The following BHLHE40 variants were observed in gnomAD, a reference collection of about 807,000 sequenced individuals.
BHLHE40 encodes the protein basic helix-loop-helix family member e40.
Under a neutral mutation model 35.7 loss-of-function variants are expected in BHLHE40, and 3 were observed. The ratio of observed to expected loss-of-function variants is 0.08; its 90% CI spans 0.04 to 0.22. The LOEUF is 0.22. Among genes scored for constraint, BHLHE40 ranks in the 10% least tolerant of loss-of-function variants. The pLI is 1.00. For missense variants in BHLHE40, 486 were observed against 524.0 expected (o/e 0.93, Z 0.71); for synonymous variants, 236 against 213.0 (o/e 1.11, Z -0.94).
At chr3:4,981,536 T>G (rs78035155) in intron 4 of BHLHE40, 21 bp downstream of exon 4, 76,416 of 1,612,544 alleles carry the variant, frequency 0.047, 2,125 homozygotes, top group Non-Finnish European at 0.053. Context: ...ATTCTGGCTA[T>G]GCTCTCTTTA....
chr3:4,979,458 C>G lies in BHLHE40; in HGVS notation c.-261C>G. On this transcript the variant is annotated 5_prime_UTR_variant, in exon 1 of 5. Transcript: ENST00000256495. ...TCTCATTCACTTGGCTCGCACGGCG[C>G]AGACAGACCGCGCAGGGAGCACACA... 1.7e-5 allele frequency: 7 copies of G among 400,484 alleles called. No homozygotes were observed. Among genetic ancestry groups the G allele is most frequent in the Non-Finnish European group, 3.2e-5 (7 of 219,212 alleles). The allele number at this position is 400,484 out of a possible 1,614,324, so 24.8% of individuals were successfully genotyped here.
At chr3:4,980,224 C>T in intron 2 of BHLHE40, 77 bp from the exon 3 acceptor site, 2 of 1,337,266 alleles carry the variant, frequency 1.5e-6, no homozygotes, top group Non-Finnish European at 2.1e-6. Context: ...CTCTGCCGGA[C>T]TGTTGCTGCG....
At chr3:4,981,730 TA>T in intron 4 of BHLHE40, 1 of 509,066 alleles carries the variant, frequency 2.0e-6, no homozygotes, top group Non-Finnish European at 3.3e-6. Context: ...AATGATAAGA[TA>T]TTCCTGTGGC....
chr3:4,982,368 T>G (rs1387114126), intron 4 of BHLHE40, among the ~76,000 whole-genome samples: 1 of 152,266 alleles, frequency 6.6e-6, no homozygotes, highest in East Asian at 1.9e-4. Flanking sequence ...AAAATAAGTT[T>G]ACTTTAGGTG....
rs34004459 is a variant in BHLHE40 at position 4,983,078 on chromosome 3, G to A, written c.625G>A (p.Ala209Thr). Residue 209 changes from alanine to threonine, a missense_variant, in exon 5 of 5, where the codon GCC (alanine) becomes ACC (threonine). Physicochemically the swap from Ala to Thr is moderately conservative, Grantham distance 58. This residue lies in a region of BHLHE40 where 176 missense variants were observed against 180.5 expected (regional missense o/e 0.98). Transcript: ENST00000256495. The surrounding 1 kb of genome is among the most constrained non-coding windows in gnomAD (Gnocchi z 5.0). The part of the protein sequence containing the change: ...MDFKEKPSSP[A>T]KGSEGPGKNC... ...CTTCAAGGAAAAACCCAGCTCTCCG[G>A]CCAAAGGTTCGGAAGGTCCTGGGAA... The A allele has an allele frequency of 7.8e-4, 1,264 of 1,614,142 alleles. 12 individuals carry two copies. The African/African-American group carries it at 0.016, about 20-fold the overall frequency.
chr3:4,980,932 T>C (rs2053188667), intron 3 of BHLHE40, among the ~76,000 whole-genome samples: 1 of 151,800 alleles, frequency 6.6e-6, no homozygotes, highest in African/African-American at 2.4e-5. Context: ...CTGGAAGTTC[T>C]GAAAGGGTGT....
At position 4,983,723 on chromosome 3, in the gene BHLHE40, C is replaced by T; in HGVS notation, c.*31C>T. The T allele has an allele frequency of 6.4e-7, 1 of 1,551,178 alleles. No homozygotes were observed. ...CTAGGGGATCCTGCTGCTTTGCTTT[C>T]CTTCCTCGCTACTTCCTAAAAAGCA... On this transcript the variant is annotated 3_prime_UTR_variant, in exon 5 of 5. Coordinates refer to ENST00000256495, the MANE Select transcript of BHLHE40 (RefSeq NM_003670.3). This position sits in a 1 kb window ranked among gnomAD's most constrained non-coding sequence, Gnocchi z 5.0.
rs1438378262 is a variant in BHLHE40, at chr3:4,983,428, C to T, written c.975C>T (p.Phe325=). The change falls in exon 5 of 5, where the codon TTC becomes TTT. Residue 325 remains phenylalanine, a synonymous_variant. Coordinates refer to ENST00000256495, the MANE Select transcript of BHLHE40 (RefSeq NM_003670.3). The surrounding 1 kb of genome is among the most constrained non-coding windows in gnomAD (Gnocchi z 5.0). ...HPHQPPFCLP[F]YLIPPSATAY... Reference sequence around the variant, plus strand: ...ACCAGCCTCCTTTCTGCCTGCCCTTCTACCTGATCCCACCTTCAGCGACTG... The same window carrying T: ...ACCAGCCTCCTTTCTGCCTGCCCTTTTACCTGATCCCACCTTCAGCGACTG... 12 of 1,614,226 alleles carry T rather than the reference C, an allele frequency of 7.4e-6. No homozygotes were observed. Among genetic ancestry groups the T allele is most frequent in the Non-Finnish European group, 1.0e-5 (12 of 1,180,038 alleles).
chr3:4,980,530 G>A, intron 3 of BHLHE40, 122 bp downstream of exon 3: 1 of 787,436 alleles, frequency 1.3e-6, no homozygotes, highest in Non-Finnish European at 2.1e-6. Flanking sequence ...GCTGGCGGGT[G>A]GCTCTGCGGT....
At chr3:4,979,857 T>C (rs774999385) in intron 1 of BHLHE40, 59 bp downstream of exon 1, 4 of 1,600,202 alleles carry the variant, frequency 2.5e-6, no homozygotes, top group Non-Finnish European at 3.4e-6. Flanking sequence ...TATGCGCCAC[T>C]CTCAACTTGG....
Position 4,979,689 on chromosome 3 carries a change from G to C in BHLHE40, c.-30G>C, listed in dbSNP as rs551434839. ...CCAGACGCTCCGCTAGTGCAGACAG[G>C]AGCGCGCAGTGGCCCCGGCTCGCCG... On this transcript the variant is annotated 5_prime_UTR_variant, in exon 1 of 5. Transcript: ENST00000256495. The C allele has an allele frequency of 1.9e-6, 3 of 1,549,662 alleles. No individual in the cohort carries two copies. Among genetic ancestry groups the C allele is most frequent in the Non-Finnish European group, 8.7e-7 (1 of 1,146,616 alleles).
chr3:4,980,257 A>G, intron 2 of BHLHE40, 44 bp from the exon 3 acceptor site: 1 of 1,539,522 alleles, frequency 6.5e-7, no homozygotes, highest in Non-Finnish European at 9.0e-7. Flanking sequence ...TAGGCTTCTC[A>G]TCTCCTTCCC....
chr3:4,983,176 A>G lies in BHLHE40; in HGVS notation c.723A>G (p.Thr241=), dbSNP rs773857028. 1.2e-6 allele frequency: 2 copies of G among 1,614,026 alleles called. No homozygotes were observed. Among genetic ancestry groups the G allele is most frequent in the Non-Finnish European group, 1.7e-6 (2 of 1,179,990 alleles). ...AGCAGAGCGGCAGCGACACGGACAC[A>G]GACAGTGGCTATGGAGGAGAATCGG... is the stretch of plus-strand genomic sequence containing the variant. The part of the protein sequence containing the change: ...SGEQSGSDTD[T]DSGYGGESEK... The change falls in exon 5 of 5, where the codon ACA becomes ACG. Residue 241 remains threonine, a synonymous_variant. Coordinates refer to ENST00000256495, the MANE Select transcript of BHLHE40 (RefSeq NM_003670.3). This position sits in a 1 kb window ranked among gnomAD's most constrained non-coding sequence, Gnocchi z 5.0.
In BHLHE40 at chr3:4,984,670, C is replaced by G. The variant is rs1375362099; in HGVS notation, c.*978C>G. 1 of 152,698 alleles carries G rather than the reference C, an allele frequency of 6.5e-6. No individual in the cohort carries two copies. Among genetic ancestry groups the G allele is most frequent in the Non-Finnish European group, 1.5e-5 (1 of 68,056 alleles). The allele number at this position is 152,698 out of a possible 1,614,324, so 9.5% of individuals were successfully genotyped here. A position where few individuals can be genotyped will look rare whatever the true frequency, so the allele number is the denominator to read the frequency against. On this transcript the variant is annotated 3_prime_UTR_variant, in exon 5 of 5. Coordinates refer to ENST00000256495, the MANE Select transcript of BHLHE40 (RefSeq NM_003670.3). ...TAACCAAGCCTTGGCACCGCCAGAT[C>G]CTTTCTGTAGGCTAATTCCTCTTGC... is the stretch of plus-strand genomic sequence containing the variant.
rs984823445 is a variant in BHLHE40, at chr3:4,983,063, A to C, written c.610A>C (p.Lys204Gln). The C allele has an allele frequency of 2.5e-6, 4 of 1,614,170 alleles. No homozygotes were observed. The highest frequency in any genetic ancestry group is 1.7e-6 in the Non-Finnish European group (2 of 1,180,032). ...PAPKVMDFKEKPSSPAKGSEG... is the reference protein window; with the variant it reads ...PAPKVMDFKEQPSSPAKGSEG... ...TCCCAAAGTGATGGACTTCAAGGAA[A>C]AACCCAGCTCTCCGGCCAAAGGTTC... Residue 204 changes from lysine to glutamine, a missense_variant, in exon 5 of 5, where the codon AAA (lysine) becomes CAA (glutamine). Lys to Gln is a moderately conservative substitution (Grantham distance 53). Transcript: ENST00000256495. The surrounding 1 kb of genome is among the most constrained non-coding windows in gnomAD (Gnocchi z 5.0).
chr3:4,983,169 C>T lies in BHLHE40; in HGVS notation c.716C>T (p.Thr239Met). Residue 239 changes from threonine (T) to methionine (M), a missense_variant, in exon 5 of 5, where the codon ACG (threonine) becomes ATG (methionine). By Grantham distance (81) the Thr-to-Met change is moderately conservative. Transcript: ENST00000256495. This position sits in a 1 kb window ranked among gnomAD's most constrained non-coding sequence, Gnocchi z 5.0. ...HSSGEQSGSD[T>M]DTDSGYGGES... ...AGTGGGGAGCAGAGCGGCAGCGACA[C>T]GGACACAGACAGTGGCTATGGAGGA... 1 of 1,614,112 alleles carries T rather than the reference C, an allele frequency of 6.2e-7. No homozygotes were observed. Among genetic ancestry groups the T allele is most frequent in the Non-Finnish European group, 8.5e-7 (1 of 1,179,974 alleles).
rs1553562125 is a variant in BHLHE40 at position 4,983,850 on chromosome 3, G to GTGTGTGTGTGTGTGTGTGTA, written c.*163_*164insGTGTGTGTGTGTGTATGTGT. On this transcript the variant is annotated 3_prime_UTR_variant, in exon 5 of 5. Transcript: ENST00000256495. This position sits in a 1 kb window ranked among gnomAD's most constrained non-coding sequence, Gnocchi z 5.0. ...TCAGGGTGTGTGTGTGTGTGTGTGT[G>GTGTGTGTGTGTGTGTGTGTA]TGTGTATGTGCGTGTGCGTGCACAT... 53 of 957,718 alleles carry GTGTGTGTGTGTGTGTGTGTA rather than the reference G, an allele frequency of 5.5e-5. No individual in the cohort carries two copies. In the African/African-American group the frequency reaches 8.0e-4, roughly 14 times the overall value. 59.3% of individuals were successfully genotyped at this position (957,718 alleles called of 1,614,324 possible).
In BHLHE40 at chr3:4,983,818, A is replaced by G. The variant is rs929006203; in HGVS notation, c.*126A>G. 1.0e-5 allele frequency: 12 copies of G among 1,199,826 alleles called. No individual in the cohort carries two copies. The highest frequency in any genetic ancestry group is 1.1e-6 in the Non-Finnish European group (1 of 875,854). 74.3% of individuals were successfully genotyped at this position (1,199,826 alleles called of 1,614,324 possible). A position where few individuals can be genotyped will look rare whatever the true frequency, so the allele number is the denominator to read the frequency against. On this transcript the variant is annotated 3_prime_UTR_variant, in exon 5 of 5. Transcript: ENST00000256495. This position sits in a 1 kb window ranked among gnomAD's most constrained non-coding sequence, Gnocchi z 5.0. ...TACTGAGATAATCTGAGGCATGGAG[A>G]GCAGATTCAGGGTGTGTGTGTGTGT...
At chr3:4,979,894 C>T (rs1559236036) in intron 1 of BHLHE40, 68 bp from the exon 2 acceptor site, 3 of 1,609,570 alleles carry the variant, frequency 1.9e-6, no homozygotes, top group Non-Finnish European at 1.7e-6. Flanking sequence ...CCGGGAGGTT[C>T]TTGCCCGGCA....
Sources: gnomAD v4.1 joint callset for allele counts (sites outside exome capture counted in the v4.1 genomes callset) on GRCh38, gnomAD v4.1.1 for gene constraint, gnomAD v4.1.1 regional missense constraint, Gnocchi (gnomAD v3.1) non-coding constraint, MANE v1.5 for transcripts, NCBI Gene and HGNC (gene_info 2026-07-23, HGNC 2026-07-21) for gene names.